The following CACNB2 variants were observed in gnomAD, a reference collection of about 807,000 sequenced individuals.
The protein encoded by CACNB2 is calcium voltage-gated channel auxiliary subunit beta 2, also known as voltage-dependent L-type calcium channel subunit beta-2.
A neutral mutation model predicts 73.3 loss-of-function variants in CACNB2; 42 were observed. That is an observed-to-expected ratio of 0.57 (90% CI 0.45 to 0.74). The LOEUF (loss-of-function observed/expected upper bound fraction) is 0.74. Ranked by LOEUF, CACNB2 falls within the 30% of genes least tolerant of loss-of-function variation. The probability of loss-of-function intolerance (pLI) is 0.00; values close to 1 mark genes in which losing one functional copy is unlikely to be tolerated. For synonymous variants in CACNB2, 348 were observed against 310.3 expected, an observed-to-expected ratio of 1.12 and a Z score of -1.28; for missense variants, 940 against 853.0, an observed-to-expected ratio of 1.10 and a Z score of -1.27.
intron 3 of CACNB2, among the ~76,000 whole-genome samples, chr10:18,488,430 A>G (rs1261023796): frequency 4.4e-5 from 6 of 137,484 alleles, no homozygotes; most frequent in African/African-American, 1.7e-4. Flanking sequence ...AGCCAAAATC[A>G]CACCACTGCA....
chr10:18,421,858 C>G (rs1282018956), intron 3 of CACNB2, among the ~76,000 whole-genome samples: 14 of 152,236 alleles, frequency 9.2e-5, no homozygotes, highest in African/African-American at 3.4e-4. Flanking sequence ...AACTATGGAA[C>G]GTTGGGGTGT....
chr10:18,422,444 A>G (rs1404634745), intron 3 of CACNB2, among the ~76,000 whole-genome samples: 2 of 152,180 alleles, frequency 1.3e-5, no homozygotes, highest in Non-Finnish European at 2.9e-5. Flanking sequence ...TGATATATGA[A>G]ATGTTTGCAG....
chr10:18,408,310 C>A (rs1333910352), intron 3 of CACNB2, among the ~76,000 whole-genome samples: 2 of 142,662 alleles, frequency 1.4e-5, no homozygotes, highest in Admixed American at 7.6e-5. Flanking sequence ...ATGATCTCAG[C>A]CCACTGCAGC....
intron 2 of CACNB2, among the ~76,000 whole-genome samples, chr10:18,389,788 A>C (rs1019184671): frequency 1.3e-5 from 2 of 152,206 alleles, no homozygotes; most frequent in Non-Finnish European, 2.9e-5. Flanking sequence ...TCCCCCTGAC[A>C]TTGTGAATTG....
At chr10:18,188,357 G>A (rs11592084) in intron 2 of CACNB2, among the ~76,000 whole-genome samples, 25,727 of 151,884 alleles carry the variant, frequency 0.17, 2,262 homozygotes, top group African/African-American at 0.22. Flanking sequence ...GTTGTGCAGG[G>A]ATGCAGTGGT....
intron 2 of CACNB2, among the ~76,000 whole-genome samples, chr10:18,323,550 A>T (rs2040473114): frequency 1.3e-5 from 2 of 152,168 alleles, no homozygotes; most frequent in South Asian, 4.1e-4. Context: ...AGTAATGTTC[A>T]TAAGTATGAA....
rs74117983 is a variant in CACNB2 at position 18,399,931 on chromosome 10, C to T, written c.214-1993C>T. On this transcript the variant is annotated intron_variant, in intron 2 of 13. Coordinates refer to ENST00000324631, the MANE Select transcript of CACNB2 (RefSeq NM_201596.3). Reference sequence around the variant, plus strand: ...ACCTCATCTACAAGCAGAGTTGGGACTCAATTATTCTGTGAATTTTAACTC... The same window carrying T: ...ACCTCATCTACAAGCAGAGTTGGGATTCAATTATTCTGTGAATTTTAACTC... Among the ~76,000 whole-genome samples, 526 of 152,264 alleles carry T rather than the reference C, an allele frequency of 3.5e-3. 1 individual carries two copies. Among genetic ancestry groups the T allele is most frequent in the African/African-American group, 0.012 (504 of 41,554 alleles).
intron 2 of CACNB2, among the ~76,000 whole-genome samples, chr10:18,266,706 G>T (rs1485178794): frequency 6.6e-6 from 1 of 151,984 alleles, no homozygotes; most frequent in East Asian, 1.9e-4. Context: ...CTGGACAACA[G>T]GGTGAAACCT....
chr10:18,509,274 T>C (rs4237348), intron 6 of CACNB2, among the ~76,000 whole-genome samples: 82,428 of 152,090 alleles, frequency 0.54, 22,879 homozygotes, highest in African/African-American at 0.65. Context: ...TCCAAAGGTC[T>C]CATCTATTAT....
intron 2 of CACNB2, among the ~76,000 whole-genome samples, chr10:18,216,095 A>G (rs563905050): frequency 3.8e-4 from 58 of 151,658 alleles, no homozygotes; most frequent in African/African-American, 1.3e-3. Flanking sequence ...CAGGAGTTTG[A>G]GACCAGCCTG....
At chr10:18,459,372 C>A (rs1056813670) in intron 3 of CACNB2, among the ~76,000 whole-genome samples, 2 of 152,162 alleles carry the variant, frequency 1.3e-5, no homozygotes, top group Non-Finnish European at 2.9e-5. Context: ...GAGATTATCC[C>A]ATGGGACTTG....
At chr10:18,499,637 A>AAT (rs71402177) in intron 4 of CACNB2, among the ~76,000 whole-genome samples, 1 of 92,596 alleles carries the variant, frequency 1.1e-5, no homozygotes, top group African/African-American at 4.1e-5. Flanking sequence ...AAAAAAAAAA[A>AAT]AAGAACCTAG....
At chr10:18,493,058 A>C (rs1275522727) in intron 3 of CACNB2, among the ~76,000 whole-genome samples, 1 of 152,256 alleles carries the variant, frequency 6.6e-6, no homozygotes, top group Non-Finnish European at 1.5e-5. Flanking sequence ...AGACTTAAAA[A>C]GCAATAGAAT....
chr10:18,485,542 T>C (rs910298832), intron 3 of CACNB2, among the ~76,000 whole-genome samples: 4 of 150,250 alleles, frequency 2.7e-5, no homozygotes, highest in African/African-American at 4.9e-5. Context: ...GTCTTTTCTA[T>C]AGTCCCTCTC....
intron 3 of CACNB2, among the ~76,000 whole-genome samples, chr10:18,484,255 G>T (rs181877443): frequency 2.0e-5 from 3 of 151,914 alleles, no homozygotes; most frequent in Non-Finnish European, 4.4e-5. Flanking sequence ...TTAGCCGGGC[G>T]TGGTGGCGGG....
chr10:18,248,335 G>A (rs576919142), intron 2 of CACNB2, among the ~76,000 whole-genome samples: 1 of 152,282 alleles, frequency 6.6e-6, no homozygotes, highest in South Asian at 2.1e-4. Context: ...GTGAGTGTCT[G>A]ATTCATAAGT....
At chr10:18,195,370 T>C (rs548858323) in intron 2 of CACNB2, among the ~76,000 whole-genome samples, 2 of 152,232 alleles carry the variant, frequency 1.3e-5, no homozygotes, top group East Asian at 3.9e-4. Context: ...TCAACACACA[T>C]TGACCCACCC....
intron 3 of CACNB2, among the ~76,000 whole-genome samples, chr10:18,490,377 G>A (rs955291008): frequency 8.5e-5 from 13 of 152,162 alleles, no homozygotes; most frequent in Non-Finnish European, 1.0e-4. Flanking sequence ...GTGCTCATAC[G>A]TCATGTCGAA....
chr10:18,529,662 T>C (rs929145035), intron 10 of CACNB2, among the ~76,000 whole-genome samples: 4 of 152,162 alleles, frequency 2.6e-5, no homozygotes, highest in African/African-American at 7.2e-5. Context: ...AGCTAAAATA[T>C]ATTGTTTTAA....
Sources: allele counts gnomAD v4.1 joint callset (sites outside exome capture counted in the v4.1 genomes callset), GRCh38; gene constraint gnomAD v4.1.1; transcripts MANE v1.5; gene names NCBI Gene and HGNC (gene_info 2026-07-23, HGNC 2026-07-21).